The following CHCHD3 variants were observed in gnomAD, a reference collection of about 807,000 sequenced individuals.
The protein encoded by CHCHD3 is coiled-coil-helix-coiled-coil-helix domain containing 3, also known as MICOS complex subunit MIC19.
In CHCHD3, 20 loss-of-function variants were observed where a neutral mutation model predicts 38.2. That is an observed-to-expected ratio of 0.52 (90% confidence interval 0.37 to 0.76). The LOEUF (loss-of-function observed/expected upper bound fraction) is 0.76. Ranked by LOEUF, CHCHD3 falls within the 30% of genes least tolerant of loss-of-function variation. CHCHD3 has a pLI of 0.00. For missense variants in CHCHD3, 245 were observed against 279.2 expected (o/e 0.88, Z 0.87); for synonymous variants, 82 against 100.0 (o/e 0.82, Z 1.07).
At chr7:132,909,383 T>C (rs966845531) in intron 4 of CHCHD3, among the ~76,000 whole-genome samples, 3 of 151,864 alleles carry the variant, frequency 2.0e-5, no homozygotes. Context: ...CCCAGCTACT[T>C]GGGAGGCTGA....
At chr7:132,967,312 A>G (rs1307135923) in intron 4 of CHCHD3, among the ~76,000 whole-genome samples, 1 of 152,158 alleles carries the variant, frequency 6.6e-6, no homozygotes, top group Non-Finnish European at 1.5e-5. Context: ...ACTGTCCAAA[A>G]GGCCACACAG....
chr7:132,857,268 A>G (rs1372348100), intron 5 of CHCHD3, among the ~76,000 whole-genome samples: 1 of 152,088 alleles, frequency 6.6e-6, no homozygotes. Flanking sequence ...ATTGAACTTT[A>G]ACGTGTAAAG....
intron 3 of CHCHD3, among the ~76,000 whole-genome samples, chr7:133,015,456 A>G (rs1813004500): frequency 6.6e-6 from 1 of 152,176 alleles, no homozygotes; most frequent in Non-Finnish European, 1.5e-5. Context: ...CTTGGGCCTA[A>G]GATAAAAGAA....
chr7:133,001,183 A>G (rs10275575), intron 3 of CHCHD3, among the ~76,000 whole-genome samples: 67,729 of 152,062 alleles, frequency 0.45, 15,358 homozygotes, highest in East Asian at 0.55. Context: ...ATAAATGAGA[A>G]TTCTTAAAAT....
At chr7:132,898,496 A>C (rs1045814733) in intron 4 of CHCHD3, among the ~76,000 whole-genome samples, 22 of 152,206 alleles carry the variant, frequency 1.4e-4, no homozygotes, top group Non-Finnish European at 2.9e-5. Flanking sequence ...AGCTAGACAC[A>C]AAGGTTCTCC....
chr7:133,061,517 A>C (rs1814514381), intron 2 of CHCHD3, among the ~76,000 whole-genome samples: 1 of 151,884 alleles, frequency 6.6e-6, no homozygotes, highest in Non-Finnish European at 1.5e-5. Context: ...ATGTGCATGA[A>C]GTGAGGAGGA....
At chr7:132,902,871 G>C (rs182799597) in intron 4 of CHCHD3, among the ~76,000 whole-genome samples, 67 of 152,246 alleles carry the variant, frequency 4.4e-4, no homozygotes, top group South Asian at 1.7e-3. Flanking sequence ...ATCACTATTT[G>C]TGAACAATAC....
chr7:132,808,634 T>A (rs1307135184), intron 6 of CHCHD3, among the ~76,000 whole-genome samples: 1 of 152,220 alleles, frequency 6.6e-6, no homozygotes, highest in Non-Finnish European at 1.5e-5. Context: ...ATTATTTGTT[T>A]TCTTATCCAA....
rs1050550003 is a variant in CHCHD3 at position 132,857,330 on chromosome 7, G to A, written c.454-18861C>T. 5.9e-5 allele frequency among the ~76,000 whole-genome samples: 9 copies of A among 152,230 alleles called. No homozygotes were observed. The East Asian group carries it at 1.4e-3, about 23-fold the overall frequency. ...CAAGAATCTTCTTTACAGTATCCCC[G>A]ACAAGTGATTGTTCTCATTGTGCCT... On this transcript the variant is annotated intron_variant, in intron 5 of 7. Coordinates refer to ENST00000262570, the MANE Select transcript of CHCHD3 (RefSeq NM_017812.4).
intron 6 of CHCHD3, among the ~76,000 whole-genome samples, chr7:132,802,825 G>C (rs1387233548): frequency 3.3e-5 from 5 of 151,898 alleles, no homozygotes; most frequent in Admixed American, 2.0e-4. Flanking sequence ...ATATAATTTA[G>C]AACAACCATG....
chr7:132,885,079 C>A lies in CHCHD3; in HGVS notation c.453+583G>T, dbSNP rs1156694680. On this transcript the variant is annotated intron_variant, in intron 5 of 7. Coordinates refer to ENST00000262570, the MANE Select transcript of CHCHD3 (RefSeq NM_017812.4). ...CCAGCATGGCCAACATGGTGAAACCCTGTCTCTAATAAAAATACAAAAATC... is the reference window on the plus strand; with the variant it reads ...CCAGCATGGCCAACATGGTGAAACCATGTCTCTAATAAAAATACAAAAATC... Among the ~76,000 whole-genome samples, 4 of 152,176 alleles carry A rather than the reference C, an allele frequency of 2.6e-5. No individual in the cohort carries two copies. In the South Asian group the frequency reaches 8.3e-4, roughly 32 times the overall value.
At chr7:132,998,599 C>CA (rs1279873911) in intron 3 of CHCHD3, among the ~76,000 whole-genome samples, 1 of 152,062 alleles carries the variant, frequency 6.6e-6, no homozygotes, top group African/African-American at 2.4e-5. Flanking sequence ...AAGGTTAGTG[C>CA]AAAAAATAAC....
intron 5 of CHCHD3, among the ~76,000 whole-genome samples, chr7:132,857,773 C>G (rs1808378181): frequency 6.6e-6 from 1 of 152,184 alleles, no homozygotes; most frequent in Non-Finnish European, 1.5e-5. Flanking sequence ...AGGGGCCTGA[C>G]TGCTTGTGAC....
At chr7:132,806,101 A>T (rs867919243) in intron 6 of CHCHD3, among the ~76,000 whole-genome samples, 3 of 152,178 alleles carry the variant, frequency 2.0e-5, no homozygotes, top group Non-Finnish European at 2.9e-5. Flanking sequence ...CAGGGAAGGA[A>T]GATGGAGCAG....
chr7:132,983,015 G>C (rs1022049798), intron 3 of CHCHD3, among the ~76,000 whole-genome samples: 1 of 151,960 alleles, frequency 6.6e-6, no homozygotes, highest in Non-Finnish European at 1.5e-5. Flanking sequence ...AAATATATAC[G>C]AATCTATTAT....
chr7:133,008,076 G>GA (rs1812750184), intron 3 of CHCHD3, among the ~76,000 whole-genome samples: 1 of 152,038 alleles, frequency 6.6e-6, no homozygotes, highest in East Asian at 1.9e-4. Context: ...TTTCCTAATG[G>GA]AAAAAAACCT....
intron 2 of CHCHD3, among the ~76,000 whole-genome samples, chr7:133,060,814 G>C (rs1033849610): frequency 6.6e-5 from 10 of 152,184 alleles, no homozygotes; most frequent in Non-Finnish European, 1.3e-4. Flanking sequence ...GGAGGCTGAG[G>C]CAGGAGAATC....
chr7:132,984,409 G>A (rs1437430673), intron 3 of CHCHD3, among the ~76,000 whole-genome samples: 6 of 150,778 alleles, frequency 4.0e-5, no homozygotes, highest in South Asian at 4.2e-4. Flanking sequence ...ATCTCGGCTC[G>A]CTACAACCTC....
intron 1 of CHCHD3, among the ~76,000 whole-genome samples, chr7:133,074,292 T>A (rs1411300786): frequency 1.3e-5 from 2 of 151,992 alleles, no homozygotes; most frequent in Non-Finnish European, 2.9e-5. Context: ...CAAACCAGAA[T>A]GGAAATAAGA....
Sources: allele counts gnomAD v4.1 joint callset (sites outside exome capture counted in the v4.1 genomes callset), GRCh38; gene constraint gnomAD v4.1.1; transcripts MANE v1.5; gene names NCBI Gene and HGNC (gene_info 2026-07-23, HGNC 2026-07-21).